Variants in ITGB8 observed in about 807,000 individuals in gnomAD.
ITGB8 encodes the protein integrin beta-8.
ITGB8 carries 30 observed loss-of-function variants against 89.5 expected under a neutral mutation model. That is an observed-to-expected ratio of 0.34 (90% CI 0.25 to 0.45). ITGB8 has a LOEUF of 0.45. Ranked by LOEUF, ITGB8 falls within the 20% of genes least tolerant of loss-of-function variation. ITGB8 has a pLI of 1.00. For missense variants in ITGB8, 836 were observed against 933.3 expected, an observed-to-expected ratio of 0.90 and a Z score of 1.36; for synonymous variants, 335 against 320.4, an observed-to-expected ratio of 1.05 and a Z score of -0.49.
intron 1 of ITGB8, among the ~76,000 whole-genome samples, chr7:20,345,867 G>A (rs1784905876): frequency 6.6e-6 from 1 of 152,116 alleles, no homozygotes; most frequent in African/African-American, 2.4e-5. Flanking sequence ...AAGAGAATAA[G>A]GAGCTGATGC....
intron 3 of ITGB8, among the ~76,000 whole-genome samples, chr7:20,378,456 G>A (rs1221816117): frequency 6.6e-6 from 1 of 152,136 alleles, no homozygotes; most frequent in African/African-American, 2.4e-5. Flanking sequence ...CTAACTGATG[G>A]GAAGAATCTT....
At chr7:20,333,718 G>A (rs541406596) in intron 1 of ITGB8, among the ~76,000 whole-genome samples, 161 of 152,302 alleles carry the variant, frequency 1.1e-3, no homozygotes, top group Admixed American at 2.8e-3. Context: ...AAAAGGGAAT[G>A]CTTATCTGAA....
At chr7:20,383,166 A>G (rs774934742) in intron 6 of ITGB8, among the ~76,000 whole-genome samples, 47 of 152,232 alleles carry the variant, frequency 3.1e-4, no homozygotes, top group Non-Finnish European at 6.6e-4. Context: ...GTTCATCTGC[A>G]ATACCCTACC....
At position 20,401,971 on chromosome 7, in the gene ITGB8, G is replaced by T. The variant is rs1030924244; in HGVS notation, c.1532G>T (p.Cys511Phe). The T allele has an allele frequency of 6.2e-7, 1 of 1,614,176 alleles. No individual in the cohort carries two copies. The highest frequency in any genetic ancestry group is 2.2e-5 in the East Asian group (1 of 44,880). Residue 511 changes from cysteine (C) to phenylalanine (F), a missense_variant, in exon 10 of 14, where the codon TGC becomes TTC. This residue lies in a region of ITGB8 where 422 missense variants were observed against 416.9 expected (regional missense o/e 1.01). Coordinates refer to ENST00000222573, the MANE Select transcript of ITGB8 (RefSeq NM_002214.3). ...FDEDQFSSES[C>F]KSHKDQPVCS... The stretch of plus-strand genomic sequence containing the variant: ...GAAGATCAGTTTTCTTCTGAGAGTT[G>T]CAAGTCACACAAGGATCAGCCTGTT...
chr7:20,340,504 G>A (rs530194244), intron 1 of ITGB8, among the ~76,000 whole-genome samples: 1 of 152,330 alleles, frequency 6.6e-6, no homozygotes, highest in East Asian at 1.9e-4. Flanking sequence ...GGCCAGGAAT[G>A]TTTTGGTGTT....
intron 6 of ITGB8, among the ~76,000 whole-genome samples, chr7:20,390,866 T>G (rs1323393401): frequency 1.3e-5 from 2 of 152,102 alleles, no homozygotes. Flanking sequence ...TTCCTGCTTC[T>G]AAAGAGCGTT....
chr7:20,377,472 T>C (rs559516054), intron 3 of ITGB8: 1 of 152,298 alleles, frequency 6.6e-6, no homozygotes, highest in South Asian at 2.1e-4. Context: ...GCTCTCCCAG[T>C]AGTGTTGAAT....
At chr7:20,338,348 C>T (rs75180626) in intron 1 of ITGB8, among the ~76,000 whole-genome samples, 22,107 of 152,060 alleles carry the variant, frequency 0.15, 1,773 homozygotes, top group East Asian at 0.34. Flanking sequence ...TACTGGGGGC[C>T]GGTTGCAGTG....
intron 3 of ITGB8, among the ~76,000 whole-genome samples, chr7:20,369,887 A>G (rs1193768379): frequency 1.3e-5 from 2 of 152,128 alleles, no homozygotes; most frequent in Admixed American, 6.6e-5. Flanking sequence ...CTCTAGTCCT[A>G]TAAGCCAATA....
In ITGB8 at chr7:20,381,905, T is replaced by G; in HGVS notation, c.960+20T>G. 1 of 1,589,566 alleles carries G rather than the reference T, an allele frequency of 6.3e-7. No homozygotes were observed. Among genetic ancestry groups the G allele is most frequent in the Non-Finnish European group, 8.6e-7 (1 of 1,167,328 alleles). ...ACCATGGTAATGCAGCAGTAACCGCTTAGTAGATATGACTCTTTTGGTTAA... is the reference window on the plus strand; with the variant it reads ...ACCATGGTAATGCAGCAGTAACCGCGTAGTAGATATGACTCTTTTGGTTAA... On this transcript the variant is annotated intron_variant, in intron 6 of 13. Transcript: ENST00000222573.
chr7:20,345,373 T>G (rs1450043661), intron 1 of ITGB8, among the ~76,000 whole-genome samples: 2 of 129,868 alleles, frequency 1.5e-5, no homozygotes, highest in South Asian at 2.8e-4. Flanking sequence ...TCTTATATTT[T>G]GGAGGAGGAC....
At chr7:20,364,435 C>A (rs1342955334) in intron 2 of ITGB8, among the ~76,000 whole-genome samples, 1 of 152,160 alleles carries the variant, frequency 6.6e-6, no homozygotes, top group Non-Finnish European at 1.5e-5. Flanking sequence ...TACTGTTATC[C>A]TTCCAACCTC....
At chr7:20,346,707 C>G in intron 1 of ITGB8, 1 of 985,302 alleles carries the variant, frequency 1.0e-6, no homozygotes, top group Non-Finnish European at 1.2e-6. Flanking sequence ...TCTTAAGACA[C>G]TCTTGACTCC....
At chr7:20,376,277 C>T (rs2127956500) in intron 3 of ITGB8, among the ~76,000 whole-genome samples, 1 of 152,256 alleles carries the variant, frequency 6.6e-6, no homozygotes, top group East Asian at 1.9e-4. Flanking sequence ...TGGAGATTTT[C>T]CTGGAAACCC....
Position 20,409,854 on chromosome 7 carries a change from T to A in ITGB8, c.2188-21T>A. 2.5e-6 allele frequency: 4 copies of A among 1,611,804 alleles called. No homozygotes were observed. In the African/African-American group the frequency reaches 4.0e-5, roughly 16 times the overall value. ...CAATATTTAGGCCCTTAGTTAATAA[T>A]AATATTTCTTCTCTATTAAGGATAA... On this transcript the variant is annotated intron_variant, in intron 13 of 13. Coordinates refer to ENST00000222573, the MANE Select transcript of ITGB8 (RefSeq NM_002214.3).
intron 3 of ITGB8, among the ~76,000 whole-genome samples, chr7:20,378,731 G>T (rs1174023325): frequency 6.6e-6 from 1 of 152,000 alleles, no homozygotes; most frequent in Non-Finnish European, 1.5e-5. Context: ...GGCAATGGAG[G>T]TTCATATAAT....
At chr7:20,409,852 A>G in intron 13 of ITGB8, 23 bp from the exon 14 acceptor site, 4 of 1,611,700 alleles carry the variant, frequency 2.5e-6, no homozygotes, top group Non-Finnish European at 3.4e-6. Flanking sequence ...CTTAGTTAAT[A>G]ATAATATTTC....
chr7:20,376,215 C>T (rs1786137769), intron 3 of ITGB8, among the ~76,000 whole-genome samples: 1 of 152,178 alleles, frequency 6.6e-6, no homozygotes, highest in African/African-American at 2.4e-5. Flanking sequence ...AGCCACGTCC[C>T]CATGCCAACT....
At position 20,409,980 on chromosome 7, in the gene ITGB8, T is replaced by C; in HGVS notation, c.2293T>C (p.Phe765Leu). The change falls in exon 14 of 14, where the codon TTC becomes CTC. Residue 765 changes from phenylalanine (F) to leucine (L), a missense_variant. By Grantham distance (22) the Phe-to-Leu change is conservative. Transcript: ENST00000222573. The part of the protein sequence containing the change: ...DISKLNAHET[F>L]RCNF ...CAGCAAATTAAATGCTCATGAAACT[T>C]TCAGGTGCAACTTCTAAAAAAAGAT... The C allele has an allele frequency of 6.2e-7, 1 of 1,610,810 alleles. No individual in the cohort carries two copies. The highest frequency in any genetic ancestry group is 1.1e-5 in the South Asian group (1 of 90,012).
Sources: gnomAD v4.1 joint callset for allele counts (sites outside exome capture counted in the v4.1 genomes callset) on GRCh38, gnomAD v4.1.1 for gene constraint, gnomAD v4.1.1 regional missense constraint, MANE v1.5 for transcripts, NCBI Gene and HGNC (gene_info 2026-07-23, HGNC 2026-07-21) for gene names.